The following RASAL2 variants were observed in gnomAD, a reference collection of about 807,000 sequenced individuals.
RASAL2 encodes RAS protein activator like 2, also known as ras GTPase-activating protein nGAP.
RASAL2 carries 58 observed loss-of-function variants against 128.9 expected under a neutral mutation model. That is an observed-to-expected ratio of 0.45 (90% CI 0.36 to 0.56). The LOEUF (loss-of-function observed/expected upper bound fraction) is 0.56. Among genes scored for constraint, RASAL2 ranks in the 20% least tolerant of loss-of-function variants. The probability of loss-of-function intolerance (pLI) is 0.00; values close to 1 mark genes in which losing one functional copy is unlikely to be tolerated. For synonymous variants in RASAL2, 561 were observed against 580.8 expected (o/e 0.97, Z 0.49); for missense variants, 1,360 against 1,601.6 (o/e 0.85, Z 2.57).
intron 1 of RASAL2, among the ~76,000 whole-genome samples, chr1:178,107,769 T>C (rs776037780): frequency 6.6e-6 from 1 of 152,194 alleles, no homozygotes; most frequent in African/African-American, 2.4e-5. Flanking sequence ...TCAAGGTCCA[T>C]TCTTGTAACA....
intron 1 of RASAL2, among the ~76,000 whole-genome samples, chr1:178,100,845 G>A (rs1191437661): frequency 1.3e-5 from 2 of 152,176 alleles, no homozygotes; most frequent in African/African-American, 4.8e-5. Flanking sequence ...AAAAACTTCA[G>A]CTGTTTGCTC....
At chr1:178,147,030 A>T (rs892979484) in intron 1 of RASAL2, among the ~76,000 whole-genome samples, 1 of 152,190 alleles carries the variant, frequency 6.6e-6, no homozygotes, top group African/African-American at 2.4e-5. Flanking sequence ...ATACAACTTG[A>T]ATAATTTCTG....
intron 1 of RASAL2, among the ~76,000 whole-genome samples, chr1:178,212,913 G>T (rs1055106979): frequency 2.0e-5 from 3 of 152,348 alleles, no homozygotes; most frequent in Non-Finnish European, 4.4e-5. Context: ...ACAATGAAAT[G>T]ATTTTCTGAG....
chr1:178,397,514 T>C (rs1285790800), intron 4 of RASAL2, among the ~76,000 whole-genome samples: 1 of 152,200 alleles, frequency 6.6e-6, no homozygotes, highest in Non-Finnish European at 1.5e-5. Context: ...ATGGGGTTTC[T>C]TTTTACATAA....
At chr1:178,166,222 A>G (rs1004563617) in intron 1 of RASAL2, among the ~76,000 whole-genome samples, 1 of 152,178 alleles carries the variant, frequency 6.6e-6, no homozygotes, top group Admixed American at 6.6e-5. Context: ...TGAAAATAAT[A>G]GCTGTGTAAC....
At chr1:178,236,698 T>G (rs562529453) in intron 1 of RASAL2, among the ~76,000 whole-genome samples, 1 of 152,188 alleles carries the variant, frequency 6.6e-6, no homozygotes, top group South Asian at 2.1e-4. Context: ...AACACTAGGC[T>G]TCTCTAGCTT....
chr1:178,214,096 A>C (rs768698656), intron 1 of RASAL2, among the ~76,000 whole-genome samples: 10 of 152,052 alleles, frequency 6.6e-5, no homozygotes, highest in Non-Finnish European at 1.2e-4. Context: ...CTACAAAAGC[A>C]AGACAAGACA....
chr1:178,270,144 T>C (rs1327770452), intron 1 of RASAL2, among the ~76,000 whole-genome samples: 2 of 152,230 alleles, frequency 1.3e-5, no homozygotes, highest in African/African-American at 4.8e-5. Context: ...CCAGATCTAT[T>C]CTTATTCCTG....
chr1:178,112,442 C>G (rs1015686275), intron 1 of RASAL2, among the ~76,000 whole-genome samples: 1 of 151,730 alleles, frequency 6.6e-6, no homozygotes, highest in African/African-American at 2.4e-5. Context: ...CTCAACTACT[C>G]AGGAGGCTGA....
At chr1:178,135,496 TAAAAA>T (rs1207102103) in intron 1 of RASAL2, among the ~76,000 whole-genome samples, 5 of 116,368 alleles carry the variant, frequency 4.3e-5, no homozygotes, top group South Asian at 3.2e-4. Context: ...TGTCTCTTCA[TAAAAA>T]AAAAAAAAAA....
chr1:178,344,328 A>G (rs1261628868), intron 3 of RASAL2, among the ~76,000 whole-genome samples: 6 of 152,162 alleles, frequency 3.9e-5, no homozygotes, highest in African/African-American at 1.4e-4. Flanking sequence ...GCATAATTCT[A>G]TGTTATGTGT....
At chr1:178,129,944 A>G (rs1660040879) in intron 1 of RASAL2, among the ~76,000 whole-genome samples, 1 of 152,182 alleles carries the variant, frequency 6.6e-6, no homozygotes, top group African/African-American at 2.4e-5. Flanking sequence ...ATTAAATTAG[A>G]ATAATTAAAA....
chr1:178,306,485 A>C (rs1667995532), intron 3 of RASAL2, among the ~76,000 whole-genome samples: 1 of 152,162 alleles, frequency 6.6e-6, no homozygotes, highest in Non-Finnish European at 1.5e-5. Context: ...TGACTTCCAC[A>C]ATGGTTGAAC....
chr1:178,225,764 C>CAT (rs140192170), intron 1 of RASAL2, among the ~76,000 whole-genome samples: 8,017 of 147,278 alleles, frequency 0.054, 439 homozygotes, highest in African/African-American at 0.15. Flanking sequence ...ACTGTACATA[C>CAT]ATATATATAT....
At chr1:178,102,783 T>G (rs1387779803) in intron 1 of RASAL2, among the ~76,000 whole-genome samples, 1 of 152,184 alleles carries the variant, frequency 6.6e-6, no homozygotes, top group East Asian at 1.9e-4. Context: ...TCTCTTACTC[T>G]TCCTCCCTGC....
At chr1:178,094,775 A>G (rs1054804259) in intron 1 of RASAL2, 81 bp downstream of exon 1, 3 of 1,530,186 alleles carry the variant, frequency 2.0e-6, no homozygotes, top group Non-Finnish European at 2.7e-6. Context: ...TCACAGGCTC[A>G]TTCCCAGTCC....
rs1032158688 is a variant in RASAL2 at position 178,341,418 on chromosome 1, G to C, written c.457+41300G>C. On this transcript the variant is annotated intron_variant, in intron 3 of 17. Transcript: ENST00000367649. ...TGGGGGCGGGGTTGGGGCGAGGATT[G>C]AGTTTAACTGGCATTGGCTCTGGCT... 4 of 1,424,710 alleles carry C rather than the reference G, an allele frequency of 2.8e-6. 1 individual carries two copies. The highest frequency in any genetic ancestry group is 3.7e-6 in the Non-Finnish European group (4 of 1,087,616). The allele number at this position is 1,424,710 out of a possible 1,614,324, so 88.3% of individuals were successfully genotyped here.
chr1:178,475,019 G>A lies in RASAL2; in HGVS notation c.*1780G>A, dbSNP rs185041515. The A allele has an allele frequency of 1.3e-5, 2 of 152,200 alleles. No individual in the cohort carries two copies. Among genetic ancestry groups the A allele is most frequent in the Admixed American group, 6.5e-5 (1 of 15,278 alleles). 9.4% of individuals were successfully genotyped at this position (152,200 alleles called of 1,614,324 possible). Reference sequence around the variant, plus strand: ...ATAGTGCCCTCTTTTGAGTGATGCCGACAGACACCAAGCCCTCCTTTTCAC... The same window carrying A: ...ATAGTGCCCTCTTTTGAGTGATGCCAACAGACACCAAGCCCTCCTTTTCAC... On this transcript the variant is annotated 3_prime_UTR_variant, in exon 18 of 18. Coordinates refer to ENST00000367649, the MANE Select transcript of RASAL2 (RefSeq NM_170692.4).
chr1:178,403,221 C>T (rs1673763879), intron 4 of RASAL2, among the ~76,000 whole-genome samples: 1 of 152,138 alleles, frequency 6.6e-6, no homozygotes, highest in African/African-American at 2.4e-5. Context: ...CTTCCTTAAC[C>T]ACCAGATTTA....
Sources: allele counts gnomAD v4.1 joint callset (sites outside exome capture counted in the v4.1 genomes callset), GRCh38; gene constraint gnomAD v4.1.1; transcripts MANE v1.5; gene names NCBI Gene and HGNC (gene_info 2026-07-23, HGNC 2026-07-21).